The following PDE3A variants were observed in gnomAD, a reference collection of about 807,000 sequenced individuals.
The protein encoded by PDE3A is phosphodiesterase 3A, also known as cGMP-inhibited 3',5'-cyclic phosphodiesterase 3A.
In PDE3A, 43 loss-of-function variants were observed where a neutral mutation model predicts 98.3. That is an observed-to-expected ratio of 0.44 (90% CI 0.34 to 0.56). The LOEUF is 0.56. Among genes scored for constraint, PDE3A ranks in the 20% least tolerant of loss-of-function variants. The probability of loss-of-function intolerance (pLI) is 0.01; values close to 1 mark genes in which losing one functional copy is unlikely to be tolerated. For synonymous variants in PDE3A, 663 were observed against 567.9 expected (o/e 1.17, Z -2.38); for missense variants, 1,427 against 1,440.7 (o/e 0.99, Z 0.15).
chr12:20,589,067 C>T (rs1216791467), intron 2 of PDE3A, among the ~76,000 whole-genome samples: 7 of 151,952 alleles, frequency 4.6e-5, no homozygotes, highest in Non-Finnish European at 8.8e-5. Context: ...GGAGTACAGG[C>T]GCCTGCCACC....
intron 1 of PDE3A, among the ~76,000 whole-genome samples, chr12:20,523,502 C>T (rs1946466043): frequency 6.6e-6 from 1 of 152,132 alleles, no homozygotes. Flanking sequence ...TCTGCAGAGC[C>T]AAAAGAATAA....
At chr12:20,676,128 A>G (rs1945632109) in intron 15 of PDE3A, among the ~76,000 whole-genome samples, 1 of 149,344 alleles carries the variant, frequency 6.7e-6, no homozygotes, top group South Asian at 2.1e-4. Context: ...CTAACATTTG[A>G]TTCCTTTCAT....
chr12:20,684,361 C>A lies in PDE3A; in HGVS notation c.*4090C>A, dbSNP rs765216791. ...GACTTATATGCCATTTGTAAATAAA[C>A]TTCCTTTCAAACTGTTAGAACGCTC... On this transcript the variant is annotated 3_prime_UTR_variant, in exon 16 of 16. Coordinates refer to ENST00000359062, the MANE Select transcript of PDE3A (RefSeq NM_000921.5). The A allele has an allele frequency of 7.2e-5, 11 of 152,144 alleles. No individual in the cohort carries two copies. Among genetic ancestry groups the A allele is most frequent in the Non-Finnish European group, 1.6e-4 (11 of 68,022 alleles). 9.4% of individuals were successfully genotyped at this position (152,144 alleles called of 1,614,324 possible).
At chr12:20,614,140 C>T (rs1235046751) in intron 3 of PDE3A, among the ~76,000 whole-genome samples, 1 of 53,274 alleles carries the variant, frequency 1.9e-5, no homozygotes, top group Non-Finnish European at 3.8e-5. Context: ...TTCAAAATAC[C>T]CTCCTGACTT....
At chr12:20,502,970 G>A (rs1047121609) in intron 1 of PDE3A, among the ~76,000 whole-genome samples, 1 of 151,918 alleles carries the variant, frequency 6.6e-6, no homozygotes, top group Non-Finnish European at 1.5e-5. Flanking sequence ...CATTTTCTTC[G>A]ACTATAAATG....
chr12:20,555,349 G>A (rs1441497204), intron 1 of PDE3A, among the ~76,000 whole-genome samples: 2 of 152,116 alleles, frequency 1.3e-5, no homozygotes, highest in African/African-American at 4.8e-5. Flanking sequence ...TATACTTGAG[G>A]TGTACAACAT....
chr12:20,603,553 TATTTATTTA>T (rs142092620), intron 2 of PDE3A, among the ~76,000 whole-genome samples: 2,302 of 152,238 alleles, frequency 0.015, 75 homozygotes, highest in African/African-American at 0.052. Flanking sequence ...TTGTTTTATT[TATTTATTTA>T]ATTTATTTAT....
chr12:20,444,916 T>A (rs765930595), intron 1 of PDE3A, among the ~76,000 whole-genome samples: 2 of 152,210 alleles, frequency 1.3e-5, no homozygotes, highest in African/African-American at 2.4e-5. Context: ...AATCAGTTTG[T>A]GTTCCATTAA....
At chr12:20,400,369 G>A (rs1282568207) in intron 1 of PDE3A, among the ~76,000 whole-genome samples, 1 of 127,472 alleles carries the variant, frequency 7.8e-6, no homozygotes, top group African/African-American at 3.3e-5. Flanking sequence ...ATGTTGACTC[G>A]TTAACATTGG....
chr12:20,468,598 C>T (rs1011317073), intron 1 of PDE3A, among the ~76,000 whole-genome samples: 4 of 152,140 alleles, frequency 2.6e-5, no homozygotes, highest in African/African-American at 9.7e-5. Flanking sequence ...CTGTGCTTCC[C>T]CTTCTATACA....
chr12:20,647,980 A>G lies in PDE3A; in HGVS notation c.2566-708A>G, dbSNP rs570844337. 6.6e-5 allele frequency among the ~76,000 whole-genome samples: 10 copies of G among 151,906 alleles called. No individual in the cohort carries two copies. The East Asian group carries it at 1.9e-3, about 29-fold the overall frequency. ...TTTATTTCTCCATAGGCTATCTTGC[A>G]CACTAGTGTTCAGGCATTTTGTAGG... On this transcript the variant is annotated intron_variant, in intron 12 of 15. Transcript: ENST00000359062.
chr12:20,550,447 C>T (rs1285858224), intron 1 of PDE3A, among the ~76,000 whole-genome samples: 1 of 152,066 alleles, frequency 6.6e-6, no homozygotes, highest in East Asian at 1.9e-4. Context: ...TTCTAGTGAA[C>T]AACTAATGTT....
intron 1 of PDE3A, among the ~76,000 whole-genome samples, chr12:20,475,815 A>G (rs1456689234): frequency 6.6e-6 from 1 of 152,168 alleles, no homozygotes; most frequent in African/African-American, 2.4e-5. Context: ...TGGGATTCAA[A>G]TGGGCTGAAG....
intron 1 of PDE3A, among the ~76,000 whole-genome samples, chr12:20,482,909 AT>A (rs144376176): frequency 6.6e-6 from 1 of 152,116 alleles, no homozygotes; most frequent in Admixed American, 6.5e-5. Context: ...CTGTGGAAAG[AT>A]TTTTTTCCTA....
At chr12:20,403,995 C>T (rs900448870) in intron 1 of PDE3A, among the ~76,000 whole-genome samples, 1 of 151,960 alleles carries the variant, frequency 6.6e-6, no homozygotes, top group African/African-American at 2.4e-5. Context: ...GAATTATTTT[C>T]TTTCAAAGGC....
In PDE3A at chr12:20,656,989, G is replaced by T. The variant is rs575979388; in HGVS notation, c.3184+2784G>T. Among the ~76,000 whole-genome samples, 274 of 152,308 alleles carry T rather than the reference G, an allele frequency of 1.8e-3. 1 individual carries two copies. Among genetic ancestry groups the T allele is most frequent in the African/African-American group, 5.9e-3 (245 of 41,562 alleles). ...CAAGTTCACTAAAGCAGGAATGAGA[G>T]ACTTTTTGGGTTCTGTTTGCTCATG... is the stretch of plus-strand genomic sequence containing the variant. On this transcript the variant is annotated intron_variant, in intron 15 of 15. Transcript: ENST00000359062.
chr12:20,590,446 C>T (rs1269898618), intron 2 of PDE3A, among the ~76,000 whole-genome samples: 2 of 149,524 alleles, frequency 1.3e-5, no homozygotes, highest in East Asian at 3.9e-4. Context: ...AGACCAACAT[C>T]CAAGAATAGT....
intron 2 of PDE3A, among the ~76,000 whole-genome samples, chr12:20,581,453 T>A (rs889910110): frequency 6.6e-6 from 1 of 152,174 alleles, no homozygotes; most frequent in Admixed American, 6.5e-5. Flanking sequence ...GAACCAAATG[T>A]CTACTACCAC....
intron 1 of PDE3A, among the ~76,000 whole-genome samples, chr12:20,478,331 T>C (rs1332567654): frequency 3.9e-5 from 6 of 152,252 alleles, no homozygotes; most frequent in Admixed American, 3.9e-4. Context: ...ATAGCTGCAG[T>C]TGTAATCAGG....
Sources: gnomAD v4.1 joint callset for allele counts (sites outside exome capture counted in the v4.1 genomes callset) on GRCh38, gnomAD v4.1.1 for gene constraint, MANE v1.5 for transcripts, NCBI Gene and HGNC (gene_info 2026-07-23, HGNC 2026-07-21) for gene names.